Variants in C1GALT1 observed in about 807,000 individuals in gnomAD.
C1GALT1 encodes core 1 synthase, glycoprotein-N-acetylgalactosamine 3-beta-galactosyltransferase 1, also known as glycoprotein-N-acetylgalactosamine 3-beta-galactosyltransferase 1.
A neutral mutation model predicts 31.0 loss-of-function variants in C1GALT1; 11 were observed. The ratio of observed to expected loss-of-function variants is 0.36; its 90% CI spans 0.22 to 0.59. The LOEUF (loss-of-function observed/expected upper bound fraction) is 0.59, where lower values mean the gene tolerates loss of function less well. Among genes scored for constraint, C1GALT1 ranks in the 20% least tolerant of loss-of-function variants. The pLI, the probability that C1GALT1 is intolerant of heterozygous loss-of-function variation, is 0.79. For missense variants in C1GALT1, 424 were observed against 425.2 expected (o/e 1.00, Z 0.03); for synonymous variants, 175 against 143.6 (o/e 1.22, Z -1.56).
intron 1 of C1GALT1, among the ~76,000 whole-genome samples, chr7:7,215,843 A>G (rs1200251988): frequency 6.6e-6 from 1 of 152,044 alleles, no homozygotes; most frequent in Admixed American, 6.5e-5. Flanking sequence ...TAAATTTTGG[A>G]AAGTCTCTGT....
chr7:7,240,167 G>C (rs1456127281), intron 3 of C1GALT1, among the ~76,000 whole-genome samples: 1 of 152,196 alleles, frequency 6.6e-6, no homozygotes, highest in East Asian at 1.9e-4. Flanking sequence ...CATTTGGCAA[G>C]GTCTGGAGAC....
Position 7,238,499 on chromosome 7 carries a change from T to C in C1GALT1, c.465T>C (p.His155=), listed in dbSNP as rs1783471952. The change falls in exon 3 of 4, where the codon CAT becomes CAC. Residue 155 remains histidine, a synonymous_variant. Transcript: ENST00000436587. This position sits in a 1 kb window ranked among gnomAD's most constrained non-coding sequence, Gnocchi z 5.2. ...WKTIKAFQYV[H]EHYLEDADWF... The stretch of plus-strand genomic sequence containing the variant: ...CAATTAAAGCTTTTCAGTATGTTCA[T>C]GAACATTATTTAGAAGATGCTGATT... 6.2e-6 allele frequency: 10 copies of C among 1,614,134 alleles called. No individual in the cohort carries two copies. The highest frequency in any genetic ancestry group is 8.5e-6 in the Non-Finnish European group (10 of 1,179,980).
intron 1 of C1GALT1, among the ~76,000 whole-genome samples, chr7:7,212,793 T>G (rs575672219): frequency 6.6e-6 from 1 of 152,024 alleles, no homozygotes; most frequent in East Asian, 1.9e-4. Context: ...GGGTGTATTG[T>G]CACAAGGGCT....
At chr7:7,220,541 C>T (rs761637455) in intron 1 of C1GALT1, among the ~76,000 whole-genome samples, 6 of 151,572 alleles carry the variant, frequency 4.0e-5, no homozygotes, top group Non-Finnish European at 4.4e-5. Flanking sequence ...TTTTTTGAGA[C>T]GGAGTCTCAC....
At chr7:7,183,218 C>T (rs1216972724) in intron 1 of C1GALT1, among the ~76,000 whole-genome samples, 3 of 151,702 alleles carry the variant, frequency 2.0e-5, no homozygotes, top group Non-Finnish European at 4.4e-5. Flanking sequence ...CCCTCCCAGT[C>T]CCTCCTCCCG....
intron 1 of C1GALT1, among the ~76,000 whole-genome samples, chr7:7,210,807 C>G (rs993660454): frequency 6.6e-6 from 1 of 152,210 alleles, no homozygotes; most frequent in African/African-American, 2.4e-5. Context: ...GACCCAGTTT[C>G]TAATGGCCTA....
At chr7:7,208,353 T>C (rs1781843110) in intron 1 of C1GALT1, among the ~76,000 whole-genome samples, 1 of 152,298 alleles carries the variant, frequency 6.6e-6, no homozygotes, top group Non-Finnish European at 1.5e-5. Flanking sequence ...GACTTTCTCA[T>C]AGGTGTGTAT....
At chr7:7,223,630 C>T (rs187571403) in intron 1 of C1GALT1, among the ~76,000 whole-genome samples, 119 of 151,404 alleles carry the variant, frequency 7.9e-4, no homozygotes, top group African/African-American at 2.8e-3. Flanking sequence ...GCTGAATTTA[C>T]TCTTTGTAGC....
At chr7:7,205,933 A>AT (rs924491472) in intron 1 of C1GALT1, among the ~76,000 whole-genome samples, 9 of 151,516 alleles carry the variant, frequency 5.9e-5, no homozygotes, top group African/African-American at 9.7e-5. Flanking sequence ...TCATTTTGCC[A>AT]TTTTTTTCTA....
At chr7:7,241,650 G>T (rs1042312623) in intron 3 of C1GALT1, among the ~76,000 whole-genome samples, 2 of 151,880 alleles carry the variant, frequency 1.3e-5, no homozygotes, top group African/African-American at 4.8e-5. Context: ...GGCTTTTAAA[G>T]ACTTAACTTT....
intron 1 of C1GALT1, among the ~76,000 whole-genome samples, chr7:7,200,340 C>A (rs565999671): frequency 1.3e-5 from 2 of 152,168 alleles, no homozygotes; most frequent in East Asian, 1.9e-4. Context: ...GTTAGAAATT[C>A]TTTTCTTTAA....
intron 1 of C1GALT1, among the ~76,000 whole-genome samples, chr7:7,189,157 T>C (rs995225016): frequency 6.6e-6 from 1 of 152,188 alleles, no homozygotes; most frequent in African/African-American, 2.4e-5. Flanking sequence ...TTTTAACAGC[T>C]ACTACTATTC....
chr7:7,170,817 T>TGTG (rs1394442621), intron 2 of C1GALT1, among the ~76,000 whole-genome samples: 3 of 151,928 alleles, frequency 2.0e-5, no homozygotes, highest in African/African-American at 7.2e-5. Flanking sequence ...TGTTTTAATA[T>TGTG]GTGTGTTTTC....
At chr7:7,231,997 T>TA (rs1783096350) in intron 1 of C1GALT1, among the ~76,000 whole-genome samples, 2 of 152,232 alleles carry the variant, frequency 1.3e-5, no homozygotes, top group Admixed American at 1.3e-4. Flanking sequence ...GATAAGAGCA[T>TA]AGGTGTTTTT....
At chr7:7,191,342 C>G (rs77680161) in intron 1 of C1GALT1, among the ~76,000 whole-genome samples, 2 of 152,128 alleles carry the variant, frequency 1.3e-5, no homozygotes, top group African/African-American at 4.8e-5. Context: ...AGGCTGAATA[C>G]TATTCCATTG....
chr7:7,212,068 TTTTGGATGGCTTTGATAAA>T (rs1318111018), intron 1 of C1GALT1, among the ~76,000 whole-genome samples: 1 of 152,222 alleles, frequency 6.6e-6, no homozygotes, highest in African/African-American at 2.4e-5. Flanking sequence ...TACATAGGTC[TTTTGGATGGCTTTGATAAA>T]ACTCAGTTCC....
At chr7:7,162,070 T>C (rs1002061969) in intron 2 of C1GALT1, among the ~76,000 whole-genome samples, 29 of 151,142 alleles carry the variant, frequency 1.9e-4, no homozygotes, top group Non-Finnish European at 3.8e-4. Flanking sequence ...TTCATTTCTT[T>C]TTTTTTTTCT....
At chr7:7,160,397 G>C (rs956523332) in intron 2 of C1GALT1, among the ~76,000 whole-genome samples, 1 of 152,086 alleles carries the variant, frequency 6.6e-6, no homozygotes, top group African/African-American at 2.4e-5. Flanking sequence ...GATGTACAAG[G>C]GGACAGATAA....
intron 1 of C1GALT1, among the ~76,000 whole-genome samples, chr7:7,214,263 C>G (rs1037902254): frequency 2.0e-5 from 3 of 152,030 alleles, no homozygotes; most frequent in African/African-American, 7.2e-5. Flanking sequence ...GGTTTTTTTC[C>G]CAAAACAGGG....
Sources: allele counts gnomAD v4.1 joint callset (sites outside exome capture counted in the v4.1 genomes callset), GRCh38; gene constraint gnomAD v4.1.1; non-coding constraint Gnocchi (gnomAD v3.1); transcripts MANE v1.5; gene names NCBI Gene and HGNC (gene_info 2026-07-23, HGNC 2026-07-21).